The following NRXN3 variants were observed in gnomAD, a reference collection of about 807,000 sequenced individuals.
NRXN3 encodes the protein neurexin 3.
Under a neutral mutation model 137.6 loss-of-function variants are expected in NRXN3, and 32 were observed. That is an observed-to-expected ratio of 0.23 (90% CI 0.18 to 0.31). The LOEUF (loss-of-function observed/expected upper bound fraction) is 0.31. NRXN3 is among the 10% of genes least tolerant of loss of function. The pLI, the probability that NRXN3 is intolerant of heterozygous loss-of-function variation, is 1.00. For synonymous variants in NRXN3, 798 were observed against 784.5 expected (o/e 1.02, Z -0.29); for missense variants, 1,574 against 2,062.5 (o/e 0.76, Z 4.59).
intron 20 of NRXN3, among the ~76,000 whole-genome samples, chr14:79,825,206 C>CTTTTTTTTTTTTTTTTTTTTTTT (rs11449914): frequency 8.5e-6 from 1 of 117,818 alleles, no homozygotes; most frequent in Non-Finnish European, 1.7e-5. Flanking sequence ...TCTTTGTGTG[C>CTTTTTTTTTTTTTTTTTTTTTTT]TTTTTTTTTT....
chr14:78,768,253 A>G (rs2098715342), intron 8 of NRXN3, among the ~76,000 whole-genome samples: 1 of 152,136 alleles, frequency 6.6e-6, no homozygotes, highest in Admixed American at 6.5e-5. Context: ...TTTCCTTCTC[A>G]GGCCTTCATG....
intron 1 of NRXN3, among the ~76,000 whole-genome samples, chr14:78,223,816 G>A (rs2064141602): frequency 6.6e-6 from 1 of 152,198 alleles, no homozygotes. Context: ...CAGTTCCAAG[G>A]TAAGGTATGG....
intron 4 of NRXN3, among the ~76,000 whole-genome samples, chr14:78,528,519 A>G (rs1181288800): frequency 6.6e-6 from 1 of 152,166 alleles, no homozygotes; most frequent in Non-Finnish European, 1.5e-5. Flanking sequence ...CCCATTTTAC[A>G]GTTAAGAGTA....
At chr14:79,420,689 A>T (rs2095563467) in intron 15 of NRXN3, among the ~76,000 whole-genome samples, 2 of 152,184 alleles carry the variant, frequency 1.3e-5, no homozygotes, top group East Asian at 3.9e-4. Context: ...CTAATACAAA[A>T]CCTAGAGTCA....
At chr14:78,971,213 T>G (rs149991277) in intron 14 of NRXN3, among the ~76,000 whole-genome samples, 132 of 152,228 alleles carry the variant, frequency 8.7e-4, no homozygotes, top group African/African-American at 3.1e-3. Context: ...ATTTTTATTC[T>G]GAATCTCTTG....
chr14:78,315,770 T>A (rs188674204), intron 4 of NRXN3, among the ~76,000 whole-genome samples: 6 of 152,316 alleles, frequency 3.9e-5, no homozygotes, highest in Non-Finnish European at 8.8e-5. Flanking sequence ...TTTTTTTTCC[T>A]CTTTATCGTC....
intron 17 of NRXN3, among the ~76,000 whole-genome samples, chr14:79,673,016 A>G (rs531900348): frequency 6.6e-6 from 1 of 152,204 alleles, no homozygotes; most frequent in South Asian, 2.1e-4. Context: ...GAAGGTAATG[A>G]AAGGTGCTCT....
At chr14:78,905,473 A>C (rs2099212935) in intron 10 of NRXN3, among the ~76,000 whole-genome samples, 1 of 151,290 alleles carries the variant, frequency 6.6e-6, no homozygotes. Context: ...TTTTGAATAA[A>C]AGTCTAACTG....
At chr14:79,274,706 T>C (rs937261147) in intron 15 of NRXN3, among the ~76,000 whole-genome samples, 1 of 152,134 alleles carries the variant, frequency 6.6e-6, no homozygotes, top group East Asian at 1.9e-4. Context: ...GAAGAGTTCA[T>C]ATTTTTTTAA....
intron 15 of NRXN3, among the ~76,000 whole-genome samples, chr14:79,134,946 C>A (rs1198024037): frequency 6.6e-6 from 1 of 152,152 alleles, no homozygotes; most frequent in Non-Finnish European, 1.5e-5. Flanking sequence ...CAAATCCCTG[C>A]CTTTCACTGC....
chr14:79,826,468 TGA>T (rs2099301918), intron 20 of NRXN3, among the ~76,000 whole-genome samples: 1 of 152,214 alleles, frequency 6.6e-6, no homozygotes, highest in African/African-American at 2.4e-5. Context: ...ATGAGCCATT[TGA>T]GAGTATGCAT....
intron 15 of NRXN3, among the ~76,000 whole-genome samples, chr14:79,118,157 A>G (rs1219543510): frequency 6.8e-6 from 1 of 146,148 alleles, no homozygotes; most frequent in South Asian, 2.2e-4. Flanking sequence ...ACATGAGGGA[A>G]AAAAAAAAAA....
intron 16 of NRXN3, among the ~76,000 whole-genome samples, chr14:79,484,223 G>A (rs2096635070): frequency 6.6e-6 from 1 of 152,084 alleles, no homozygotes; most frequent in African/African-American, 2.4e-5. Context: ...AGAAACAAAG[G>A]CTTTTCTTTC....
rs568978486 is a variant in NRXN3 at position 78,263,451 on chromosome 14, A to G, written c.710-15194A>G. ...AGGCCCTTTACCTCTATGTTGGCAT[A>G]ATCGGAATTAGACAAAGACTGCAGC... On this transcript the variant is annotated intron_variant, in intron 2 of 20. Transcript: ENST00000335750. Among the ~76,000 whole-genome samples, 6 of 152,320 alleles carry G rather than the reference A, an allele frequency of 3.9e-5. No individual in the cohort carries two copies. The South Asian group carries it at 6.2e-4, about 16-fold the overall frequency.
At chr14:78,251,842 G>C (rs2068676492) in intron 2 of NRXN3, among the ~76,000 whole-genome samples, 1 of 152,198 alleles carries the variant, frequency 6.6e-6, no homozygotes, top group Non-Finnish European at 1.5e-5. Flanking sequence ...CTGAAGTTGG[G>C]AGGTTTAGTT....
chr14:79,170,329 T>C lies in NRXN3; in HGVS notation c.3262+182188T>C, dbSNP rs1229765482. 5.3e-5 allele frequency among the ~76,000 whole-genome samples: 8 copies of C among 152,064 alleles called. 1 individual carries two copies. The highest frequency in any genetic ancestry group is 5.2e-4 in the Admixed American group (8 of 15,252). ...AACTTCCTTAAAAAGTAGTTTTTAA[T>C]ATGAAAAATGGGAGATTAAAGTTGG... On this transcript the variant is annotated intron_variant, in intron 15 of 20. Coordinates refer to ENST00000335750, the MANE Select transcript of NRXN3 (RefSeq NM_001330195.2).
intron 15 of NRXN3, among the ~76,000 whole-genome samples, chr14:79,308,888 TTA>T (rs1339525633): frequency 2.9e-4 from 41 of 141,760 alleles, no homozygotes; most frequent in African/African-American, 1.1e-3. Flanking sequence ...TTATTTTATT[TTA>T]TTTTTTTTTA....
chr14:79,509,565 G>A (rs2096912517), intron 16 of NRXN3, among the ~76,000 whole-genome samples: 1 of 150,346 alleles, frequency 6.7e-6, no homozygotes, highest in Non-Finnish European at 1.5e-5. Flanking sequence ...GTGCATGTAT[G>A]TATATATATA....
chr14:79,441,989 TCTC>T (rs1487077601), intron 15 of NRXN3, among the ~76,000 whole-genome samples: 1 of 152,114 alleles, frequency 6.6e-6, no homozygotes, highest in Non-Finnish European at 1.5e-5. Flanking sequence ...TCTCATTTCT[TCTC>T]CTCATTCTAG....
Sources: allele counts gnomAD v4.1 joint callset (sites outside exome capture counted in the v4.1 genomes callset), GRCh38; gene constraint gnomAD v4.1.1; transcripts MANE v1.5; gene names NCBI Gene and HGNC (gene_info 2026-07-23, HGNC 2026-07-21).